Variants in DDX60 observed in about 807,000 individuals in gnomAD.
DDX60 encodes the protein DExD/H-box helicase 60, also known as probable ATP-dependent RNA helicase DDX60.
Under a neutral mutation model 212.8 loss-of-function variants are expected in DDX60, and 165 were observed. That is an observed-to-expected ratio of 0.78 (90% CI 0.68 to 0.88). DDX60 has a LOEUF of 0.88. Ranked by LOEUF, DDX60 falls within the 40% of genes least tolerant of loss-of-function variation. DDX60 has a pLI of 0.00. For missense variants in DDX60, 1,905 were observed against 2,003.9 expected (o/e 0.95, Z 0.94); for synonymous variants, 703 against 685.3 (o/e 1.03, Z -0.40).
intron 25 of DDX60, among the ~76,000 whole-genome samples, chr4:168,258,946 T>C (rs1404289809): frequency 6.6e-6 from 1 of 152,208 alleles, no homozygotes; most frequent in Non-Finnish European, 1.5e-5. Context: ...CTTGTTAAAC[T>C]AACTCTTACC....
At chr4:168,315,039 C>T (rs7696675) in intron 1 of DDX60, among the ~76,000 whole-genome samples, 11,806 of 152,070 alleles carry the variant, frequency 0.078, 1,457 homozygotes, top group African/African-American at 0.27. Context: ...CACTGTTGGC[C>T]GACTACTTGC....
intron 20 of DDX60, among the ~76,000 whole-genome samples, chr4:168,268,203 T>TA (rs1211902948): frequency 2.6e-5 from 4 of 152,162 alleles, no homozygotes; most frequent in Non-Finnish European, 1.5e-5. Context: ...TTCCACATTT[T>TA]AAAATGGAAA....
chr4:168,265,788 C>T (rs1734814018), intron 22 of DDX60, among the ~76,000 whole-genome samples: 1 of 133,038 alleles, frequency 7.5e-6, no homozygotes, highest in African/African-American at 2.8e-5. Context: ...TCAGATAACT[C>T]CTGGATATCA....
intron 36 of DDX60, among the ~76,000 whole-genome samples, chr4:168,221,234 C>G (rs1224784855): frequency 1.3e-5 from 2 of 152,046 alleles, no homozygotes; most frequent in African/African-American, 2.4e-5. Flanking sequence ...GTGCTCAGTG[C>G]CCAAGTCAAT....
chr4:168,262,809 T>G, intron 22 of DDX60, 22 bp from the exon 23 acceptor site: 1 of 1,477,348 alleles, frequency 6.8e-7, no homozygotes, highest in South Asian at 1.3e-5. Flanking sequence ...AAAATTAAAA[T>G]TTTTACTCTT....
chr4:168,257,319 A>C (rs1734453801), intron 25 of DDX60, among the ~76,000 whole-genome samples: 1 of 152,230 alleles, frequency 6.6e-6, no homozygotes. Context: ...CCTTCAAAAA[A>C]AAAAAATTAT....
At chr4:168,235,405 TAGAG>T (rs1246650963) in intron 33 of DDX60, among the ~76,000 whole-genome samples, 1 of 152,076 alleles carries the variant, frequency 6.6e-6, no homozygotes, top group Non-Finnish European at 1.5e-5. Flanking sequence ...TTTTTCAAAA[TAGAG>T]ATAGTGAATT....
At position 168,288,201 on chromosome 4, in the gene DDX60, A is replaced by C. The variant is rs772293272; in HGVS notation, c.1156T>G (p.Phe386Val). 2 of 1,505,152 alleles carry C rather than the reference A, an allele frequency of 1.3e-6. No individual in the cohort carries two copies. Among genetic ancestry groups the C allele is most frequent in the Admixed American group, 4.1e-5 (2 of 48,994 alleles). 93.2% of individuals were successfully genotyped at this position (1,505,152 alleles called of 1,614,324 possible). A position where few individuals can be genotyped will look rare whatever the true frequency, so the allele number is the denominator to read the frequency against. The part of the protein sequence containing the change: ...NDELLLKNIA[F>V]YYENENVKGL... ...TTTACATTTTCATTTTCATAGTAAA[A>C]AGCAATATTCTTCAACAAAAGCTCA... The change falls in exon 9 of 38, where the codon TTT becomes GTT. Residue 386 changes from phenylalanine to valine, a missense_variant. Physicochemically the swap from Phe to Val is conservative, Grantham distance 50. Coordinates refer to ENST00000393743, the MANE Select transcript of DDX60 (RefSeq NM_017631.6).
At chr4:168,245,979 C>T (rs868017744) in intron 30 of DDX60, among the ~76,000 whole-genome samples, 2 of 152,000 alleles carry the variant, frequency 1.3e-5, no homozygotes, top group Non-Finnish European at 2.9e-5. Flanking sequence ...CTTATTTCAA[C>T]GTTCTACATT....
intron 13 of DDX60, among the ~76,000 whole-genome samples, chr4:168,281,088 C>T (rs557205999): frequency 1.3e-5 from 2 of 152,202 alleles, no homozygotes; most frequent in South Asian, 4.1e-4. Flanking sequence ...TGCAGTGAGC[C>T]GAGATTGGGC....
chr4:168,230,327 C>T (rs1455253991), intron 33 of DDX60, among the ~76,000 whole-genome samples: 1 of 152,006 alleles, frequency 6.6e-6, no homozygotes, highest in African/African-American at 2.4e-5. Context: ...AGAAAGTCAA[C>T]AAATAATGGA....
At chr4:168,264,868 C>T (rs1734775028) in intron 22 of DDX60, among the ~76,000 whole-genome samples, 2 of 152,094 alleles carry the variant, frequency 1.3e-5, no homozygotes, top group Admixed American at 1.3e-4. Flanking sequence ...TGAGTCTAGG[C>T]AGAAAATGAA....
chr4:168,272,481 A>G (rs1560845268), intron 18 of DDX60, among the ~76,000 whole-genome samples: 1 of 152,264 alleles, frequency 6.6e-6, no homozygotes, highest in East Asian at 1.9e-4. Flanking sequence ...AAAGATGTTT[A>G]TTAAGAATCA....
Position 168,276,012 on chromosome 4 carries a change from T to C in DDX60, c.2145+3A>G. The C allele has an allele frequency of 6.2e-7, 1 of 1,608,356 alleles. No individual in the cohort carries two copies. The highest frequency in any genetic ancestry group is 2.2e-5 in the East Asian group (1 of 44,698). On this transcript the variant is annotated splice_donor_region_variant and intron_variant, in intron 15 of 37. Transcript: ENST00000393743. Reference sequence around the variant, plus strand: ...TGAAATTGAGCTATTCTGATAATATTACCTGGGCTGGATGTAAAGAACTTG... The same window carrying C: ...TGAAATTGAGCTATTCTGATAATATCACCTGGGCTGGATGTAAAGAACTTG...
chr4:168,312,676 A>C (rs1480985543), intron 1 of DDX60, among the ~76,000 whole-genome samples: 1 of 143,286 alleles, frequency 7.0e-6, no homozygotes, highest in Non-Finnish European at 1.5e-5. Context: ...TGATTTATGG[A>C]TAGATAGTAG....
intron 22 of DDX60, 92 bp from the exon 23 acceptor site, chr4:168,262,879 A>C: frequency 1.3e-6 from 1 of 755,722 alleles, no homozygotes; most frequent in Non-Finnish European, 2.0e-6. Context: ...AAAGACACTG[A>C]AAGGCAATAA....
rs1289367016 is a variant in DDX60, at chr4:168,246,478, C to T, written c.4104G>A (p.Leu1368=). ...LRGHFPLSIT[L]VLRLMLLASK... ...AAGCCAGCAGCATGAGTCGCAGGAC[C>T]AGGGTTATGCTGAGAGGGAAGTGTC... Residue 1368 remains leucine (L), a synonymous_variant, in exon 30 of 38, where the codon CTG becomes CTA. Coordinates refer to ENST00000393743, the MANE Select transcript of DDX60 (RefSeq NM_017631.6). The T allele has an allele frequency of 3.7e-6, 6 of 1,613,982 alleles. No homozygotes were observed. The highest frequency in any genetic ancestry group is 5.1e-6 in the Non-Finnish European group (6 of 1,179,982).
chr4:168,279,020 A>C (rs1433639315), intron 14 of DDX60, among the ~76,000 whole-genome samples: 1 of 152,202 alleles, frequency 6.6e-6, no homozygotes, highest in African/African-American at 2.4e-5. Flanking sequence ...CATTCATAAA[A>C]GTCCAAAGGA....
intron 29 of DDX60, among the ~76,000 whole-genome samples, chr4:168,247,074 T>C (rs1056929448): frequency 6.6e-6 from 1 of 152,156 alleles, no homozygotes; most frequent in African/African-American, 2.4e-5. Context: ...ACAAACAGAA[T>C]AAATACATGA....
Sources: gnomAD v4.1 joint callset for allele counts (sites outside exome capture counted in the v4.1 genomes callset) on GRCh38, gnomAD v4.1.1 for gene constraint, MANE v1.5 for transcripts, NCBI Gene and HGNC (gene_info 2026-07-23, HGNC 2026-07-21) for gene names.